CDC14A: variants seen among roughly 807,000 people sequenced by gnomAD.
CDC14A encodes dual specificity protein phosphatase CDC14A.
In CDC14A, 53 loss-of-function variants were observed where a neutral mutation model predicts 74.4. The ratio of observed to expected loss-of-function variants is 0.71; its 90% confidence interval spans 0.57 to 0.89. CDC14A has a LOEUF of 0.89. Among genes scored for constraint, CDC14A ranks in the 40% least tolerant of loss-of-function variants. The pLI is 0.00. For synonymous variants in CDC14A, 247 were observed against 258.4 expected, an observed-to-expected ratio of 0.96 and a Z score of 0.43; for missense variants, 646 against 713.7, an observed-to-expected ratio of 0.91 and a Z score of 1.08.
chr1:100,443,197 A>AT (rs1665161582), intron 7 of CDC14A: 1 of 491,962 alleles, frequency 2.0e-6, no homozygotes, highest in South Asian at 2.9e-5. Flanking sequence ...GAAAAACAAC[A>AT]TATCTATATA....
intron 11 of CDC14A, among the ~76,000 whole-genome samples, chr1:100,494,514 C>T (rs930178973): frequency 3.3e-5 from 5 of 152,146 alleles, no homozygotes; most frequent in African/African-American, 1.2e-4. Flanking sequence ...TATATTCCAA[C>T]GTATGATTGT....
chr1:100,368,142 T>C (rs1005073449), intron 2 of CDC14A, among the ~76,000 whole-genome samples: 1 of 152,254 alleles, frequency 6.6e-6, no homozygotes, highest in African/African-American at 2.4e-5. Context: ...TACTTGGTAA[T>C]TTCTTTTATC....
At chr1:100,367,211 A>G (rs1275659218) in intron 2 of CDC14A, among the ~76,000 whole-genome samples, 1 of 152,072 alleles carries the variant, frequency 6.6e-6, no homozygotes, top group Non-Finnish European at 1.5e-5. Context: ...ATGACCTTCC[A>G]TTTCTCCTCT....
At chr1:100,380,954 CT>C (rs755738687) in intron 3 of CDC14A, among the ~76,000 whole-genome samples, 51 of 152,304 alleles carry the variant, frequency 3.3e-4, no homozygotes, top group Non-Finnish European at 5.4e-4. Flanking sequence ...TCTTCTTGTC[CT>C]TTTGGACTGG....
intron 11 of CDC14A, chr1:100,484,748 C>A: frequency 1.0e-6 from 1 of 1,003,732 alleles, no homozygotes; most frequent in Non-Finnish European, 1.2e-6. Flanking sequence ...AAATAAATAT[C>A]AAGAAGAAAA....
intron 8 of CDC14A, among the ~76,000 whole-genome samples, chr1:100,458,492 A>T (rs1282696449): frequency 6.6e-6 from 1 of 152,220 alleles, no homozygotes; most frequent in Non-Finnish European, 1.5e-5. Context: ...TGATGCCTAG[A>T]ACAATTTCAT....
chr1:100,495,957 C>T (rs780389028), intron 12 of CDC14A, 45 bp from the exon 13 acceptor site: 17 of 1,545,918 alleles, frequency 1.1e-5, no homozygotes, highest in African/African-American at 5.4e-5. Flanking sequence ...TTTGTGAAAA[C>T]GTGTGCCCTG....
Position 100,474,138 on chromosome 1 carries a change from G to A in CDC14A, c.977+6044G>A, listed in dbSNP as rs573402103. On this transcript the variant is annotated intron_variant, in intron 10 of 15. Coordinates refer to ENST00000336454, the MANE Select transcript of CDC14A (RefSeq NM_003672.4). ...TTTTCTTCTTAAGATTGTTAATATG[G>A]TAGATTGCATCGATTGTTTTTTGTA... 1.2e-4 allele frequency among the ~76,000 whole-genome samples: 19 copies of A among 152,224 alleles called. 1 individual carries two copies. In the South Asian group the frequency reaches 3.9e-3, roughly 32 times the overall value.
chr1:100,428,216 A>G (rs991321509), intron 5 of CDC14A, among the ~76,000 whole-genome samples: 24 of 152,178 alleles, frequency 1.6e-4, no homozygotes, highest in Admixed American at 1.6e-3. Flanking sequence ...CTTTAGAGAT[A>G]GTTGAATTTC....
At chr1:100,435,719 C>G (rs1664239112) in intron 5 of CDC14A, among the ~76,000 whole-genome samples, 1 of 151,328 alleles carries the variant, frequency 6.6e-6, no homozygotes, top group African/African-American at 2.4e-5. Context: ...ATCCCAGCTA[C>G]CCGGGAGGGT....
chr1:100,436,420 C>A (rs374623159), intron 5 of CDC14A, among the ~76,000 whole-genome samples: 1 of 151,376 alleles, frequency 6.6e-6, no homozygotes, highest in African/African-American at 2.4e-5. Context: ...TGTTGGTTAT[C>A]ATTTTTTTTT....
intron 5 of CDC14A, among the ~76,000 whole-genome samples, chr1:100,431,359 A>G (rs1372754874): frequency 6.6e-6 from 1 of 151,828 alleles, no homozygotes; most frequent in Non-Finnish European, 1.5e-5. Flanking sequence ...TTAGTGAAGT[A>G]GGGTAGGTGC....
chr1:100,376,080 T>C (rs574528072), intron 2 of CDC14A, among the ~76,000 whole-genome samples: 1 of 151,784 alleles, frequency 6.6e-6, no homozygotes, highest in East Asian at 1.9e-4. Flanking sequence ...TTCTCACTCA[T>C]AGGTGGGAAC....
At chr1:100,511,315 C>G (rs1166968115) in intron 15 of CDC14A, among the ~76,000 whole-genome samples, 1 of 152,192 alleles carries the variant, frequency 6.6e-6, no homozygotes, top group Non-Finnish European at 1.5e-5. Flanking sequence ...CTTCCCCCTC[C>G]CTTGTCTCTT....
At chr1:100,491,570 ATATTTT>A (rs1420382465) in intron 11 of CDC14A, among the ~76,000 whole-genome samples, 4 of 64,914 alleles carry the variant, frequency 6.2e-5, no homozygotes, top group African/African-American at 3.3e-4. Flanking sequence ...ATATATATAT[ATATTTT>A]TTTTTTTTTT....
intron 2 of CDC14A, among the ~76,000 whole-genome samples, chr1:100,362,551 C>T (rs1398847688): frequency 6.6e-6 from 1 of 152,068 alleles, no homozygotes; most frequent in Non-Finnish European, 1.5e-5. Context: ...TCTCTTTGGT[C>T]ATTTTGGTTG....
chr1:100,478,596 C>T (rs1427823440), intron 10 of CDC14A, among the ~76,000 whole-genome samples: 3 of 152,124 alleles, frequency 2.0e-5, no homozygotes, highest in Non-Finnish European at 4.4e-5. Flanking sequence ...TTTACATTTC[C>T]TTCTGAGACA....
At chr1:100,365,436 C>T (rs1557683287) in intron 2 of CDC14A, among the ~76,000 whole-genome samples, 1 of 152,144 alleles carries the variant, frequency 6.6e-6, no homozygotes, top group Non-Finnish European at 1.5e-5. Flanking sequence ...GTCTATATAG[C>T]GGCTAGAACT....
chr1:100,500,386 G>A (rs12042531), intron 15 of CDC14A, among the ~76,000 whole-genome samples: 51,329 of 151,940 alleles, frequency 0.34, 10,030 homozygotes, highest in South Asian at 0.46. Flanking sequence ...AGTGTGCTGC[G>A]TATGGCCCAC....
Sources: gnomAD v4.1 joint callset for allele counts (sites outside exome capture counted in the v4.1 genomes callset) on GRCh38, gnomAD v4.1.1 for gene constraint, MANE v1.5 for transcripts, NCBI Gene and HGNC (gene_info 2026-07-23, HGNC 2026-07-21) for gene names.